Variants in STRBP observed in about 807,000 individuals in gnomAD.
STRBP encodes spermatid perinuclear RNA binding protein.
STRBP carries 13 observed loss-of-function variants against 80.1 expected under a neutral mutation model. The ratio of observed to expected loss-of-function variants is 0.16; its 90% CI spans 0.11 to 0.26. STRBP has a LOEUF of 0.26. Ranked by LOEUF, STRBP falls within the 10% of genes least tolerant of loss-of-function variation. STRBP has a pLI of 1.00. For missense variants in STRBP, 485 were observed against 815.2 expected (o/e 0.59, Z 4.93); for synonymous variants, 284 against 291.2 (o/e 0.98, Z 0.25).
chr9:123,181,743 T>G (rs1588056300), intron 3 of STRBP, among the ~76,000 whole-genome samples: 1 of 125,384 alleles, frequency 8.0e-6, no homozygotes, highest in East Asian at 2.3e-4. Flanking sequence ...GAGGTTGCAG[T>G]GAGCTGAGAT....
intron 1 of STRBP, among the ~76,000 whole-genome samples, chr9:123,258,539 C>T (rs530223115): frequency 2.0e-5 from 3 of 152,244 alleles, no homozygotes; most frequent in East Asian, 1.9e-4. Context: ...CGTGGTGGCT[C>T]ACGCCTGTAA....
rs565066063 is a variant in STRBP, at chr9:123,136,361, G to A, written c.1632+20C>T. The A allele has an allele frequency of 1.8e-5, 29 of 1,612,852 alleles. No homozygotes were observed. The East Asian group carries it at 5.6e-4, about 31-fold the overall frequency. On this transcript the variant is annotated intron_variant, in intron 15 of 18. Transcript: ENST00000348403. This position sits in a 1 kb window ranked among gnomAD's most constrained non-coding sequence, Gnocchi z 4.2. ...GTCTTTGAGAAGAAAGATAAGGCTG[G>A]CTTGTGTCTGGGTACACACCTCCAT...
intron 1 of STRBP, among the ~76,000 whole-genome samples, chr9:123,267,612 C>T (rs1326272022): frequency 6.6e-6 from 1 of 151,880 alleles, no homozygotes; most frequent in African/African-American, 2.4e-5. Context: ...ACCCCAGAAG[C>T]CTAGGCACCC....
intron 1 of STRBP, among the ~76,000 whole-genome samples, chr9:123,265,100 C>T (rs2041240437): frequency 6.6e-6 from 1 of 152,092 alleles, no homozygotes; most frequent in African/African-American, 2.4e-5. Context: ...TCTTTCCCTC[C>T]AAAAATAAAA....
chr9:123,208,379 T>A (rs555687458), intron 2 of STRBP, among the ~76,000 whole-genome samples: 17 of 152,230 alleles, frequency 1.1e-4, no homozygotes, highest in Non-Finnish European at 1.6e-4. Context: ...CTCCAAGTTC[T>A]GCTTTCTCCG....
rs374650088 is a variant in STRBP, at chr9:123,139,552, T to C, written c.1474A>G (p.Thr492Ala). Residue 492 changes from threonine (T) to alanine (A), a missense_variant, in exon 14 of 19, where the codon ACT (threonine) becomes GCT (alanine). Coordinates refer to ENST00000348403, the MANE Select transcript of STRBP (RefSeq NM_018387.5). ...NSSNNTGNST[T>A]ETSSTLEVRT... ...ACCTCTAAGGTACTGGAGGTTTCAG[T>C]TGTAGAATTTCCAGTATTATTGCTT... The C allele has an allele frequency of 1.9e-5, 31 of 1,611,668 alleles. No individual in the cohort carries two copies. Among genetic ancestry groups the C allele is most frequent in the Non-Finnish European group, 2.5e-5 (30 of 1,179,420 alleles).
Position 123,139,881 on chromosome 9 carries a change from T to A in STRBP, c.1339-194A>T, listed in dbSNP as rs76921868. On this transcript the variant is annotated intron_variant, in intron 13 of 18. Transcript: ENST00000348403. ...CTACCAGGGTAGCACCATGGAAAAA[T>A]GGGGAAAACCTCCTCAGGATAATTG... Among the ~76,000 whole-genome samples the A allele has an allele frequency of 1.0e-3, 154 of 152,206 alleles. 1 individual carries two copies. Among genetic ancestry groups the A allele is most frequent in the African/African-American group, 3.3e-3 (137 of 41,528 alleles).
chr9:123,221,267 A>G (rs572045628), intron 2 of STRBP, among the ~76,000 whole-genome samples: 24 of 152,144 alleles, frequency 1.6e-4, no homozygotes, highest in Admixed American at 4.6e-4. Context: ...TCCCTTTGCC[A>G]TTCCTCCCAC....
At chr9:123,210,828 CA>C (rs36057301) in intron 2 of STRBP, among the ~76,000 whole-genome samples, 20,272 of 138,802 alleles carry the variant, frequency 0.15, 1,805 homozygotes, top group Middle Eastern at 0.22. Context: ...GAATCCGTTT[CA>C]AAAAAAAAAA....
At chr9:123,151,054 A>T (rs2037037335) in intron 11 of STRBP, among the ~76,000 whole-genome samples, 1 of 152,210 alleles carries the variant, frequency 6.6e-6, no homozygotes. Context: ...AGCACTCATA[A>T]TAACCAGGCA....
intron 2 of STRBP, among the ~76,000 whole-genome samples, chr9:123,233,933 G>T (rs1467078537): frequency 1.3e-5 from 2 of 152,166 alleles, no homozygotes; most frequent in Non-Finnish European, 2.9e-5. Context: ...GGGCGCGGTG[G>T]CTCACGCCTG....
intron 3 of STRBP, among the ~76,000 whole-genome samples, chr9:123,182,092 A>ATG (rs1214702335): frequency 1.3e-5 from 2 of 151,230 alleles, no homozygotes; most frequent in African/African-American, 4.8e-5. Flanking sequence ...GTACACCCCT[A>ATG]CAGTCCCAGC....
At chr9:123,253,007 C>T (rs2132634370) in intron 1 of STRBP, among the ~76,000 whole-genome samples, 1 of 152,110 alleles carries the variant, frequency 6.6e-6, no homozygotes, top group East Asian at 1.9e-4. Context: ...TTAATAGGGG[C>T]AAAAATGTAA....
intron 11 of STRBP, among the ~76,000 whole-genome samples, chr9:123,150,120 T>C (rs1225996270): frequency 6.6e-6 from 1 of 151,830 alleles, no homozygotes; most frequent in Non-Finnish European, 1.5e-5. Context: ...CAGAGAAAAA[T>C]AAACAGCAAC....
chr9:123,119,006 C>T (rs1306876797), downstream of STRBP, among the ~76,000 whole-genome samples: 4 of 152,268 alleles, frequency 2.6e-5, no homozygotes, highest in Non-Finnish European at 5.9e-5. Context: ...AAAAGAAAGA[C>T]GAATAGATGG....
At chr9:123,162,053 C>T (rs2037542939) in intron 6 of STRBP, among the ~76,000 whole-genome samples, 1 of 152,164 alleles carries the variant, frequency 6.6e-6, no homozygotes, top group Non-Finnish European at 1.5e-5. Flanking sequence ...AGCCCACTAA[C>T]ACTTCTTCCC....
intron 1 of STRBP, among the ~76,000 whole-genome samples, chr9:123,246,937 T>C (rs1337448908): frequency 1.3e-5 from 2 of 152,196 alleles, no homozygotes; most frequent in Non-Finnish European, 2.9e-5. Context: ...TAACAAACTA[T>C]TTCTCACCAA....
chr9:123,147,197 G>A, intron 12 of STRBP, 143 bp from the exon 13 acceptor site: 1 of 552,950 alleles, frequency 1.8e-6, no homozygotes, highest in Non-Finnish European at 3.1e-6. Context: ...AACCTCATAA[G>A]TAATTCTAAA....
chr9:123,205,009 T>C (rs562899699), intron 2 of STRBP, among the ~76,000 whole-genome samples: 2 of 150,414 alleles, frequency 1.3e-5, no homozygotes, highest in Non-Finnish European at 3.0e-5. Context: ...CACACGCCTG[T>C]AATCCCAGCA....
Sources: gnomAD v4.1 joint callset for allele counts (sites outside exome capture counted in the v4.1 genomes callset) on GRCh38, gnomAD v4.1.1 for gene constraint, Gnocchi (gnomAD v3.1) non-coding constraint, MANE v1.5 for transcripts, NCBI Gene and HGNC (gene_info 2026-07-23, HGNC 2026-07-21) for gene names.